RYR1: variants seen among roughly 807,000 people sequenced by gnomAD.
RYR1 encodes ryanodine receptor 1.
RYR1 carries 342 observed loss-of-function variants against 583.5 expected under a neutral mutation model. That is an observed-to-expected ratio of 0.59 (90% CI 0.54 to 0.64). The LOEUF is 0.64. RYR1 is among the 30% of genes least tolerant of loss of function. The probability of loss-of-function intolerance (pLI) is 0.00; values close to 1 mark genes in which losing one functional copy is unlikely to be tolerated. For synonymous variants in RYR1, 2,791 were observed against 2,822.5 expected, an observed-to-expected ratio of 0.99 and a Z score of 0.35; for missense variants, 6,032 against 6,917.2, an observed-to-expected ratio of 0.87 and a Z score of 4.54.
intron 93 of RYR1, 31 bp downstream of exon 93, chr19:38,567,948 C>A: frequency 6.2e-7 from 1 of 1,611,364 alleles, no homozygotes; most frequent in Non-Finnish European, 8.5e-7. Flanking sequence ...CCTGAACCTT[C>A]TTCTCCCCGG....
At chr19:38,443,468 C>G in intron 3 of RYR1, 90 bp from the exon 4 acceptor site, 4 of 1,137,858 alleles carry the variant, frequency 3.5e-6, no homozygotes, top group South Asian at 1.3e-5. Context: ...TTACAGGGAG[C>G]ATCTTGTCAC....
In RYR1 at chr19:38,576,109, A is replaced by G. The variant is rs1051505214; in HGVS notation, c.14172+148A>G. 3.5e-5 allele frequency: 29 copies of G among 829,008 alleles called. No homozygotes were observed. In the African/African-American group the frequency reaches 4.9e-4, roughly 14 times the overall value. 51.4% of individuals were successfully genotyped at this position (829,008 alleles called of 1,614,324 possible). The stretch of plus-strand genomic sequence containing the variant: ...GTAGCACCTCAGTTTCCCCATGGGG[A>G]GATGGGCATAGTAAGCTTGCTTCCC... On this transcript the variant is annotated intron_variant, in intron 97 of 105. Coordinates refer to ENST00000359596, the MANE Select transcript of RYR1 (RefSeq NM_000540.3).
chr19:38,495,982 C>T (rs933094187), intron 39 of RYR1, among the ~76,000 whole-genome samples: 4 of 151,896 alleles, frequency 2.6e-5, no homozygotes, highest in Admixed American at 6.6e-5. Context: ...AGGCTGATCT[C>T]GATCTCCTGA....
chr19:38,442,972 C>A (rs1972767778), intron 3 of RYR1, among the ~76,000 whole-genome samples: 1 of 152,214 alleles, frequency 6.6e-6, no homozygotes, highest in Admixed American at 6.5e-5. Context: ...TCACATGGTA[C>A]CCCCATGGCG....
chr19:38,522,223 T>G (rs1167645490), intron 67 of RYR1, among the ~76,000 whole-genome samples: 1 of 152,288 alleles, frequency 6.6e-6, no homozygotes, highest in South Asian at 2.1e-4. Context: ...ATAATACATA[T>G]GTATGTATCA....
chr19:38,460,802 A>C (rs1432049344), intron 20 of RYR1, among the ~76,000 whole-genome samples: 1 of 152,126 alleles, frequency 6.6e-6, no homozygotes, highest in Admixed American at 6.6e-5. Context: ...ACACGGTGAA[A>C]GTGAAACCCT....
chr19:38,578,083 A>G (rs1322600841), intron 98 of RYR1, 35 bp downstream of exon 98: 2 of 1,613,768 alleles, frequency 1.2e-6, no homozygotes, highest in Non-Finnish European at 8.5e-7. Flanking sequence ...GGCCTGGGGC[A>G]TGCAGGGGAG....
chr19:38,562,343 A>G (rs1973185121), intron 90 of RYR1, among the ~76,000 whole-genome samples: 1 of 151,906 alleles, frequency 6.6e-6, no homozygotes, highest in Non-Finnish European at 1.5e-5. Flanking sequence ...TCCCCAGCAG[A>G]GCTGGCACAC....
chr19:38,522,208 G>A lies in RYR1; in HGVS notation c.10260-820G>A, dbSNP rs115944417. ...CAGGTTGATATTTCTTAATATGTAG[G>A]TTATATAATACATATGTATGTATCA... On this transcript the variant is annotated intron_variant, in intron 67 of 105. Transcript: ENST00000359596. Among the ~76,000 whole-genome samples the A allele has an allele frequency of 5.4e-3, 827 of 152,152 alleles. 3 individuals are homozygous for A. The highest frequency in any genetic ancestry group is 0.019 in the African/African-American group (803 of 41,488).
rs1970541933 is a variant in RYR1 at position 38,507,762 on chromosome 19, C to T, written c.8867C>T (p.Ala2956Val). ...LDSSSIEKRF[A>V]FGFLQQLLRW... ...TCGTCTTCCATTGAAAAGCGGTTTG[C>T]CTTTGGCTTCCTGCAGCAGCTGCTG... The change falls in exon 58 of 106, where the codon GCC becomes GTC. Residue 2956 changes from alanine to valine, a missense_variant. By Grantham distance (64) the Ala-to-Val change is moderately conservative (BLOSUM62 0). Coordinates refer to ENST00000359596, the MANE Select transcript of RYR1 (RefSeq NM_000540.3). The T allele has an allele frequency of 6.2e-7, 1 of 1,613,936 alleles. No homozygotes were observed. The highest frequency in any genetic ancestry group is 8.5e-7 in the Non-Finnish European group (1 of 1,179,840).
Position 38,455,479 on chromosome 19 carries a change from C to T in RYR1, c.1605C>T (p.Asn535=), listed in dbSNP as rs768530992. Reference sequence around the variant, plus strand: ...CTCTAATCCGTGGCAATCGTAGCAACTGTGCCCTCTTCTCCACAAACTTGG... The same window carrying T: ...CTCTAATCCGTGGCAATCGTAGCAATTGTGCCCTCTTCTCCACAAACTTGG... The part of the protein sequence containing the change: ...LASLIRGNRS[N]CALFSTNLDW... Residue 535 remains asparagine, a synonymous_variant, in exon 15 of 106, where the codon AAC becomes AAT. Coordinates refer to ENST00000359596, the MANE Select transcript of RYR1 (RefSeq NM_000540.3). The T allele has an allele frequency of 2.0e-5, 33 of 1,614,084 alleles. No homozygotes were observed. The South Asian group carries it at 3.5e-4, about 17-fold the overall frequency.
intron 95 of RYR1, among the ~76,000 whole-genome samples, chr19:38,572,652 T>C (rs1217180243): frequency 6.6e-6 from 1 of 152,016 alleles, no homozygotes; most frequent in Non-Finnish European, 1.5e-5. Context: ...CATCCTTCAG[T>C]TCTGAGTTCA....
intron 54 of RYR1, 110 bp from the exon 55 acceptor site, chr19:38,506,193 C>T: frequency 1.7e-6 from 2 of 1,208,642 alleles, no homozygotes; most frequent in Non-Finnish European, 2.4e-6. Context: ...GGGTCTTGAG[C>T]CAGGGGAGGG....
chr19:38,572,058 T>A lies in RYR1; in HGVS notation c.13786T>A (p.Ser4596Thr). The A allele has an allele frequency of 1.2e-6, 2 of 1,614,152 alleles. No individual in the cohort carries two copies. Among genetic ancestry groups the A allele is most frequent in the Non-Finnish European group, 1.7e-6 (2 of 1,180,046 alleles). The change falls in exon 95 of 106, where the codon TCA becomes ACA. Residue 4596 changes from serine to threonine, a missense_variant. This residue lies in a region of RYR1 where 35 missense variants were observed against 66.0 expected (regional missense o/e 0.53). Coordinates refer to ENST00000359596, the MANE Select transcript of RYR1 (RefSeq NM_000540.3). Reference protein sequence around the residue: ...SPPGEDDMEGSAAGDVSGAGS... With the variant: ...SPPGEDDMEGTAAGDVSGAGS... The stretch of plus-strand genomic sequence containing the variant: ...ACCAGGGGAGGACGACATGGAAGGC[T>A]CAGCTGCTGGGGATGTGTCAGGTGC...
chr19:38,476,227 C>T (rs1403753543), intron 29 of RYR1, among the ~76,000 whole-genome samples: 7 of 151,954 alleles, frequency 4.6e-5, no homozygotes, highest in African/African-American at 1.7e-4. Context: ...GAGATGGAGT[C>T]TCAGCCTGTC....
At chr19:38,466,499 ATC>A in intron 24 of RYR1, 101 bp downstream of exon 24, 24 of 874,974 alleles carry the variant, frequency 2.7e-5, no homozygotes, top group Non-Finnish European at 3.8e-5. Flanking sequence ...AATGGGCTAT[ATC>A]TTTTTTTTTT....
chr19:38,548,458 G>T lies in RYR1; in HGVS notation c.12282+38G>T, dbSNP rs202155484. 3.1e-6 allele frequency: 5 copies of T among 1,604,534 alleles called. 1 individual carries two copies. The highest frequency in any genetic ancestry group is 3.4e-6 in the Non-Finnish European group (4 of 1,172,318). On this transcript the variant is annotated intron_variant, in intron 89 of 105. Transcript: ENST00000359596. The stretch of plus-strand genomic sequence containing the variant: ...CATCGTGTGGGCCCAGGACTTGGGT[G>T]GGGTTGCCAAGGGCCAGCCATACCC...
intron 89 of RYR1, among the ~76,000 whole-genome samples, chr19:38,549,476 C>T (rs186913993): frequency 5.5e-4 from 83 of 152,124 alleles, no homozygotes; most frequent in Non-Finnish European, 9.3e-4. Flanking sequence ...ATGGGCAGTG[C>T]GGGCAGTACC....
At position 38,543,985 on chromosome 19, in the gene RYR1, T is replaced by C; in HGVS notation, c.12012+110T>C. On this transcript the variant is annotated intron_variant, in intron 87 of 105. Coordinates refer to ENST00000359596, the MANE Select transcript of RYR1 (RefSeq NM_000540.3). The surrounding 1 kb of genome is among the most constrained non-coding windows in gnomAD (Gnocchi z 4.4). Reference sequence around the variant, plus strand: ...TGTCACCCGAGTGCTCCCGGCATGTTCCAGACTGGTTCCCTCTCAGTGGCC... The same window carrying C: ...TGTCACCCGAGTGCTCCCGGCATGTCCCAGACTGGTTCCCTCTCAGTGGCC... The C allele has an allele frequency of 9.2e-7, 1 of 1,091,206 alleles. No individual in the cohort carries two copies. The highest frequency in any genetic ancestry group is 2.6e-5 in the East Asian group (1 of 38,970). 67.6% of individuals were successfully genotyped at this position (1,091,206 alleles called of 1,614,324 possible).
Sources: allele counts gnomAD v4.1 joint callset (sites outside exome capture counted in the v4.1 genomes callset), GRCh38; gene constraint gnomAD v4.1.1; regional missense constraint gnomAD v4.1.1; non-coding constraint Gnocchi (gnomAD v3.1); transcripts MANE v1.5; gene names NCBI Gene and HGNC (gene_info 2026-07-23, HGNC 2026-07-21).